TOM1L1: variants seen among roughly 807,000 people sequenced by gnomAD.
The protein encoded by TOM1L1 is target of myb1 like 1 membrane trafficking protein, also known as TOM1-like protein 1.
In TOM1L1, 64 loss-of-function variants were observed where a neutral mutation model predicts 63.4. The observed-to-expected ratio is 1.01, with a 90% CI of 0.83 to 1.24. The LOEUF (loss-of-function observed/expected upper bound fraction) is 1.24, where lower values mean the gene tolerates loss of function less well. TOM1L1 is among the 50% of genes most tolerant of loss of function. The pLI is 0.00. For missense variants in TOM1L1, 536 were observed against 567.0 expected, an observed-to-expected ratio of 0.95 and a Z score of 0.55; for synonymous variants, 166 against 194.4, an observed-to-expected ratio of 0.85 and a Z score of 1.22.
At chr17:54,911,387 T>A (rs1005590175) in intron 3 of TOM1L1, among the ~76,000 whole-genome samples, 1 of 152,130 alleles carries the variant, frequency 6.6e-6, no homozygotes, top group African/African-American at 2.4e-5. Flanking sequence ...GATGACTCAC[T>A]TTTGGCCCTT....
intron 8 of TOM1L1, among the ~76,000 whole-genome samples, chr17:54,935,655 T>C (rs1231253454): frequency 6.6e-6 from 1 of 152,174 alleles, no homozygotes; most frequent in East Asian, 1.9e-4. Flanking sequence ...CAGGAAGTCA[T>C]ACCCTTAGTC....
intron 11 of TOM1L1, among the ~76,000 whole-genome samples, chr17:54,940,408 A>C (rs1158843057): frequency 3.3e-5 from 5 of 152,218 alleles, no homozygotes; most frequent in Non-Finnish European, 7.3e-5. Flanking sequence ...TGTAACTCTT[A>C]TAGGGGCAGG....
intron 3 of TOM1L1, among the ~76,000 whole-genome samples, chr17:54,909,681 C>T (rs1315716655): frequency 3.9e-5 from 6 of 152,118 alleles, no homozygotes; most frequent in African/African-American, 1.4e-4. Context: ...GTCCATTTTG[C>T]AGATAAGGAC....
At chr17:54,905,414 C>A in intron 2 of TOM1L1, 75 bp from the exon 3 acceptor site, 1 of 973,902 alleles carries the variant, frequency 1.0e-6, no homozygotes, top group Non-Finnish European at 1.6e-6. Flanking sequence ...TCTCCAAATG[C>A]ATGTTGCTTT....
At chr17:54,903,579 A>C (rs2048361308) in intron 1 of TOM1L1, 129 bp from the exon 2 acceptor site, 3 of 799,092 alleles carry the variant, frequency 3.8e-6, no homozygotes, top group East Asian at 5.3e-5. Context: ...TGTTCCAAAA[A>C]AAATCACTTT....
intron 8 of TOM1L1, among the ~76,000 whole-genome samples, chr17:54,933,502 G>A (rs936985607): frequency 6.6e-6 from 1 of 152,134 alleles, no homozygotes; most frequent in African/African-American, 2.4e-5. Flanking sequence ...CGCCCAAGGT[G>A]GTGGGGGCAC....
chr17:54,921,343 C>T (rs994163075), intron 7 of TOM1L1, among the ~76,000 whole-genome samples: 4 of 152,102 alleles, frequency 2.6e-5, no homozygotes, highest in Non-Finnish European at 4.4e-5. Flanking sequence ...GCAAAAAATA[C>T]AAATTCTATA....
At position 54,936,726 on chromosome 17, in the gene TOM1L1, G is replaced by A; in HGVS notation, c.915+17G>A. On this transcript the variant is annotated intron_variant, in intron 9 of 15. Coordinates refer to ENST00000575882, the MANE Select transcript of TOM1L1 (RefSeq NM_005486.3). ...GCCACCAATGTAAGTGATGAGAAATGTTATAAAATAAACAATTGAACATTT... is the reference window on the plus strand; with the variant it reads ...GCCACCAATGTAAGTGATGAGAAATATTATAAAATAAACAATTGAACATTT... 1 of 1,593,964 alleles carries A rather than the reference G, an allele frequency of 6.3e-7. No individual in the cohort carries two copies. The highest frequency in any genetic ancestry group is 2.2e-5 in the East Asian group (1 of 44,612).
Position 54,961,755 on chromosome 17 carries a change from T to C in TOM1L1, c.*522T>C. On this transcript the variant is annotated 3_prime_UTR_variant, in exon 16 of 16. Transcript: ENST00000575882. ...TTATAAATTGTTAAAACCTTGATAATTGTCATTTAATTATATTTCAGGTGT... is the reference window on the plus strand; with the variant it reads ...TTATAAATTGTTAAAACCTTGATAACTGTCATTTAATTATATTTCAGGTGT... 9.9e-7 allele frequency: 1 copy of C among 1,013,742 alleles called. No individual in the cohort carries two copies. Among genetic ancestry groups the C allele is most frequent in the Non-Finnish European group, 1.2e-6 (1 of 848,186 alleles). The allele number at this position is 1,013,742 out of a possible 1,614,324, so 62.8% of individuals were successfully genotyped here. A position where few individuals can be genotyped will look rare whatever the true frequency, so the allele number is the denominator to read the frequency against.
intron 8 of TOM1L1, chr17:54,936,343 ATCCTT>A (rs2048945742): frequency 4.3e-6 from 1 of 233,402 alleles, no homozygotes; most frequent in Non-Finnish European, 8.2e-6. Flanking sequence ...TATGTAAAGT[ATCCTT>A]TCAACTAAGC....
intron 7 of TOM1L1, among the ~76,000 whole-genome samples, chr17:54,926,384 T>C (rs1450148738): frequency 6.6e-6 from 1 of 152,222 alleles, no homozygotes; most frequent in Non-Finnish European, 1.5e-5. Flanking sequence ...CTTGGTGTTA[T>C]GTACTCAGCT....
chr17:54,958,144 A>T (rs576395777), intron 14 of TOM1L1: 1 of 152,346 alleles, frequency 6.6e-6, no homozygotes, highest in East Asian at 1.9e-4. Context: ...AAATGCTAAA[A>T]CCAAGAGTAA....
intron 11 of TOM1L1, 87 bp downstream of exon 11, chr17:54,939,107 CT>C: frequency 1.1e-6 from 1 of 915,464 alleles, no homozygotes; most frequent in Non-Finnish European, 1.7e-6. Context: ...GGCGCAGTGA[CT>C]TACATCTGTA....
intron 4 of TOM1L1, 95 bp downstream of exon 4, chr17:54,912,910 T>G (rs2048519649): frequency 8.9e-7 from 1 of 1,128,232 alleles, no homozygotes; most frequent in African/African-American, 1.6e-5. Flanking sequence ...TTTATATATC[T>G]AGGATTGAGC....
At chr17:54,959,929 A>T (rs1231029391) in intron 14 of TOM1L1, among the ~76,000 whole-genome samples, 4 of 152,040 alleles carry the variant, frequency 2.6e-5, no homozygotes, top group South Asian at 2.1e-4. Flanking sequence ...ATATTTTTTT[A>T]AAAAGTTTGA....
At chr17:54,907,570 TG>T (rs769163676) in intron 3 of TOM1L1, among the ~76,000 whole-genome samples, 80 of 152,234 alleles carry the variant, frequency 5.3e-4, no homozygotes, top group Admixed American at 1.1e-3. Context: ...GTATATCAGA[TG>T]TTGACTGGAT....
At chr17:54,929,059 A>C (rs1436606877) in intron 7 of TOM1L1, among the ~76,000 whole-genome samples, 1 of 152,180 alleles carries the variant, frequency 6.6e-6, no homozygotes, top group Non-Finnish European at 1.5e-5. Flanking sequence ...GTGATTGTGC[A>C]GTGTTTAAGG....
intron 7 of TOM1L1, among the ~76,000 whole-genome samples, chr17:54,922,724 GGAA>G (rs1441122673): frequency 3.9e-5 from 6 of 152,198 alleles, no homozygotes; most frequent in African/African-American, 1.2e-4. Flanking sequence ...GGGCTGAGAA[GGAA>G]GAAGAAGAGA....
chr17:54,928,138 T>C (rs184317724), intron 7 of TOM1L1, among the ~76,000 whole-genome samples: 2 of 152,296 alleles, frequency 1.3e-5, no homozygotes, highest in East Asian at 3.9e-4. Flanking sequence ...TTAAATGCCA[T>C]TCTTAATTCT....
Sources: allele counts gnomAD v4.1 joint callset (sites outside exome capture counted in the v4.1 genomes callset), GRCh38; gene constraint gnomAD v4.1.1; transcripts MANE v1.5; gene names NCBI Gene and HGNC (gene_info 2026-07-23, HGNC 2026-07-21).